LAMB1: variants seen among roughly 807,000 people sequenced by gnomAD.
LAMB1 encodes laminin subunit beta 1.
LAMB1 carries 121 observed loss-of-function variants against 222.3 expected under a neutral mutation model. The ratio of observed to expected loss-of-function variants is 0.54; its 90% CI spans 0.47 to 0.63. The LOEUF (loss-of-function observed/expected upper bound fraction) is 0.63, where lower values mean the gene tolerates loss of function less well. LAMB1 is among the 30% of genes least tolerant of loss of function. The probability of loss-of-function intolerance (pLI) is 0.00; values close to 1 mark genes in which losing one functional copy is unlikely to be tolerated. For missense variants in LAMB1, 2,172 were observed against 2,240.8 expected (o/e 0.97, Z 0.62); for synonymous variants, 794 against 807.2 (o/e 0.98, Z 0.28).
intron 2 of LAMB1, chr7:108,002,098 G>T: frequency 6.7e-7 from 1 of 1,481,988 alleles, no homozygotes; most frequent in Non-Finnish European, 9.0e-7. Flanking sequence ...GCCCGGCGCA[G>T]GGAGGCTGAC....
At chr7:107,931,542 T>C in intron 28 of LAMB1, 42 bp from the exon 29 acceptor site, 1 of 1,569,380 alleles carries the variant, frequency 6.4e-7, no homozygotes, top group Non-Finnish European at 8.7e-7. Flanking sequence ...ACTTTCATTC[T>C]TTCTAAAGGA....
At chr7:107,966,241 C>T (rs1208476479) in intron 13 of LAMB1, among the ~76,000 whole-genome samples, 3 of 151,980 alleles carry the variant, frequency 2.0e-5, no homozygotes, top group African/African-American at 4.8e-5. Context: ...GATGGAGTCT[C>T]GCACTGTCGC....
At chr7:107,985,577 C>G (rs1316463842) in intron 7 of LAMB1, among the ~76,000 whole-genome samples, 2 of 147,682 alleles carry the variant, frequency 1.4e-5, no homozygotes, top group East Asian at 4.1e-4. Context: ...TGCAGTGAGC[C>G]TAGATCGCGC....
In LAMB1 at chr7:107,980,696, A is replaced by G; in HGVS notation, c.792T>C (p.Asp264=). 1 of 1,613,912 alleles carries G rather than the reference A, an allele frequency of 6.2e-7. No homozygotes were observed. The change falls in exon 8 of 34, where the codon GAT becomes GAC. Residue 264 remains aspartate, a synonymous_variant. Transcript: ENST00000222399. The part of the protein sequence containing the change: ...IREKYYYAVY[D]MVVRGNCFCY... ...AGAAGCAATTTCCTCGAACCACCAT[A>G]TCATAAACTGCATAATAATACTTTT...
Position 107,940,282 on chromosome 7 carries a change from A to C in LAMB1, c.3468T>G (p.Gly1156=), listed in dbSNP as rs574968487. The C allele has an allele frequency of 1.9e-6, 3 of 1,613,998 alleles. No individual in the cohort carries two copies. The South Asian group carries it at 3.3e-5, about 18-fold the overall frequency. The part of the protein sequence containing the change: ...QSTGQCVCVE[G]VEGPRCDKCT... ...ACTTGTCACAGCGTGGACCCTCAAC[A>C]CCCTCAACGCAGACACACTGGCCCG... The change falls in exon 25 of 34, where the codon GGT becomes GGG. Residue 1156 remains glycine (G), a synonymous_variant. Transcript: ENST00000222399.
At chr7:107,955,331 C>A (rs1158325705) in intron 21 of LAMB1, 136 bp downstream of exon 21, 25 of 765,040 alleles carry the variant, frequency 3.3e-5, no homozygotes, top group Non-Finnish European at 4.6e-5. Context: ...AAAAGAGCAT[C>A]TTTTCTAATT....
At position 108,002,945 on chromosome 7, in the gene LAMB1, G is replaced by C. The variant is rs748376454; in HGVS notation, c.-60C>G. The C allele has an allele frequency of 2.5e-6, 4 of 1,609,190 alleles. No individual in the cohort carries two copies. The highest frequency in any genetic ancestry group is 3.4e-6 in the Non-Finnish European group (4 of 1,178,640). ...GAGTGGAGAAGACGCCCGCCGAGCC[G>C]CCTGCCCTTTCTTCCCGTCTTCCTT... is the stretch of plus-strand genomic sequence containing the variant. On this transcript the variant is annotated 5_prime_UTR_variant, in exon 2 of 34. Coordinates refer to ENST00000222399, the MANE Select transcript of LAMB1 (RefSeq NM_002291.3).
intron 22 of LAMB1, among the ~76,000 whole-genome samples, chr7:107,953,305 T>C (rs756805191): frequency 6.6e-6 from 1 of 151,296 alleles, no homozygotes; most frequent in Non-Finnish European, 1.5e-5. Flanking sequence ...TATAGTGAGC[T>C]GAGATCATGC....
chr7:107,956,972 T>C (rs1466950137), intron 20 of LAMB1, among the ~76,000 whole-genome samples: 1 of 152,244 alleles, frequency 6.6e-6, no homozygotes, highest in Non-Finnish European at 1.5e-5. Flanking sequence ...TACATTCTTT[T>C]ACTATGTTAG....
At position 107,929,291 on chromosome 7, in the gene LAMB1, C is replaced by T. The variant is rs1465561359; in HGVS notation, c.4746-86G>A. The T allele has an allele frequency of 1.0e-5, 16 of 1,541,554 alleles. No individual in the cohort carries two copies. In the South Asian group the frequency reaches 1.4e-4, roughly 13 times the overall value. ...TTCTTTTCTTTAAAGAATAGCCTTC[C>T]TGAAATGACCCAGAGAGACTCGCAT... On this transcript the variant is annotated intron_variant, in intron 30 of 33. Transcript: ENST00000222399.
rs373755386 is a variant in LAMB1, at chr7:107,992,569, C to A, written c.423+2318G>T. Among the ~76,000 whole-genome samples the A allele has an allele frequency of 1.3e-4, 20 of 152,310 alleles. No individual in the cohort carries two copies. In the East Asian group the frequency reaches 3.5e-3, roughly 26 times the overall value. The stretch of plus-strand genomic sequence containing the variant: ...TAAAGACTTTCAGGTTCCCACTATC[C>A]GCCAGGGCAACAAGATTATCCCAGT... On this transcript the variant is annotated intron_variant, in intron 5 of 33. Coordinates refer to ENST00000222399, the MANE Select transcript of LAMB1 (RefSeq NM_002291.3).
chr7:107,954,740 C>T (rs2033339457), intron 21 of LAMB1, among the ~76,000 whole-genome samples: 1 of 152,030 alleles, frequency 6.6e-6, no homozygotes, highest in African/African-American at 2.4e-5. Context: ...GCAGTGAGCC[C>T]AGATTGTGCC....
Position 108,002,829 on chromosome 7 carries a change from C to G in LAMB1, c.37+20G>C. On this transcript the variant is annotated intron_variant, in intron 2 of 33. Transcript: ENST00000222399. ...ATGCCCAAGTCCGTCCGCCTCCCCG[C>G]ACCGTTTCCACGGAATTACCTAAGA... 6.2e-7 allele frequency: 1 copy of G among 1,614,136 alleles called. No individual in the cohort carries two copies. The highest frequency in any genetic ancestry group is 8.5e-7 in the Non-Finnish European group (1 of 1,179,986).
chr7:107,937,607 CA>C (rs1253127062), intron 25 of LAMB1, among the ~76,000 whole-genome samples: 2 of 152,176 alleles, frequency 1.3e-5, no homozygotes, highest in Non-Finnish European at 2.9e-5. Context: ...CAGGCAGCTT[CA>C]AGCCCTTACA....
intron 9 of LAMB1, 35 bp from the exon 10 acceptor site, chr7:107,975,912 T>TAA (rs972704863): frequency 1.8e-5 from 29 of 1,589,872 alleles, no homozygotes; most frequent in Non-Finnish European, 2.4e-5. Flanking sequence ...AAAAGCTTTT[T>TAA]AAATCTATGG....
At chr7:107,946,264 T>C (rs1584495531) in intron 24 of LAMB1, among the ~76,000 whole-genome samples, 1 of 152,356 alleles carries the variant, frequency 6.6e-6, no homozygotes, top group African/African-American at 2.4e-5. Flanking sequence ...ATAATTTTTA[T>C]TTCTTACATG....
chr7:107,928,447 T>C (rs2032619839), intron 31 of LAMB1, among the ~76,000 whole-genome samples: 1 of 152,152 alleles, frequency 6.6e-6, no homozygotes, highest in South Asian at 2.1e-4. Flanking sequence ...CTAAAATTAT[T>C]ATACTTCATA....
At position 107,970,505 on chromosome 7, in the gene LAMB1, A is replaced by AAAG. The variant is rs386418403; in HGVS notation, c.1562+2486_1562+2487insCTT. 3.6e-3 allele frequency among the ~76,000 whole-genome samples: 392 copies of AAAG among 108,802 alleles called. 12 individuals are homozygous for AAAG. The highest frequency in any genetic ancestry group is 0.01 in the African/African-American group (273 of 26,504). The allele number at this position is 108,802 out of a possible 152,430, so 71.4% of individuals were successfully genotyped here. On this transcript the variant is annotated intron_variant, in intron 13 of 33. Transcript: ENST00000222399. ...CTCTGTCTCAAAAAAAAAAAAAAAAAGGGGGGGGTGGGCTTCAAGCCAGAT... is the reference window on the plus strand; with the variant it reads ...CTCTGTCTCAAAAAAAAAAAAAAAAAAAGGGGGGGGGTGGGCTTCAAGCCAGAT...
At chr7:107,931,669 G>C in intron 28 of LAMB1, 169 bp from the exon 29 acceptor site, 1 of 643,122 alleles carries the variant, frequency 1.6e-6, no homozygotes, top group Non-Finnish European at 2.7e-6. Context: ...CAGACTGCAA[G>C]TATTCAGTAT....
Sources: allele counts gnomAD v4.1 joint callset (sites outside exome capture counted in the v4.1 genomes callset), GRCh38; gene constraint gnomAD v4.1.1; transcripts MANE v1.5; gene names NCBI Gene and HGNC (gene_info 2026-07-23, HGNC 2026-07-21).